The following SPHKAP variants were observed in gnomAD, a reference collection of about 807,000 sequenced individuals.
SPHKAP encodes A-kinase anchor protein SPHKAP.
SPHKAP carries 67 observed loss-of-function variants against 137.5 expected under a neutral mutation model. That is an observed-to-expected ratio of 0.49 (90% CI 0.40 to 0.60). SPHKAP has a LOEUF of 0.60. Among genes scored for constraint, SPHKAP ranks in the 20% least tolerant of loss-of-function variants. SPHKAP has a pLI of 0.00. For synonymous variants in SPHKAP, 813 were observed against 785.3 expected (o/e 1.04, Z -0.59); for missense variants, 2,097 against 2,069.3 (o/e 1.01, Z -0.26).
chr2:228,038,008 G>A (rs948275087), intron 3 of SPHKAP, among the ~76,000 whole-genome samples: 4 of 152,232 alleles, frequency 2.6e-5, no homozygotes, highest in Admixed American at 2.6e-4. Context: ...CTGTCTAGTA[G>A]AGCTGGGGAG....
At chr2:228,028,111 G>T in intron 3 of SPHKAP, 1 of 944,000 alleles carries the variant, frequency 1.1e-6, no homozygotes, top group Non-Finnish European at 1.3e-6. Context: ...AAGTCTGCTT[G>T]TATTAGAGCC....
intron 3 of SPHKAP, among the ~76,000 whole-genome samples, chr2:228,074,575 A>G (rs931929749): frequency 2.6e-5 from 4 of 152,178 alleles, no homozygotes; most frequent in African/African-American, 4.8e-5. Flanking sequence ...CCATGATTCA[A>G]TTAACTCCAC....
chr2:228,011,826 T>C (rs1694384728), intron 7 of SPHKAP, among the ~76,000 whole-genome samples: 1 of 152,196 alleles, frequency 6.6e-6, no homozygotes, highest in East Asian at 1.9e-4. Flanking sequence ...CACATACTTA[T>C]ATTTTGTTGT....
At chr2:228,147,592 T>C (rs1699810727) in intron 1 of SPHKAP, among the ~76,000 whole-genome samples, 1 of 152,212 alleles carries the variant, frequency 6.6e-6, no homozygotes, top group Admixed American at 6.5e-5. Flanking sequence ...GGGTCCCGAC[T>C]GTCACTTTTA....
chr2:228,020,601 A>AGAT (rs1349275120), intron 6 of SPHKAP, among the ~76,000 whole-genome samples: 1 of 152,172 alleles, frequency 6.6e-6, no homozygotes, highest in African/African-American at 2.4e-5. Flanking sequence ...TAGCATTAGG[A>AGAT]GATATACCTA....
intron 3 of SPHKAP, among the ~76,000 whole-genome samples, chr2:228,103,525 C>G (rs937823795): frequency 5.9e-5 from 9 of 152,202 alleles, no homozygotes; most frequent in African/African-American, 1.9e-4. Flanking sequence ...GAGCGTGGTA[C>G]TGGCTGAAGT....
At chr2:228,130,805 A>G (rs4973073) in intron 2 of SPHKAP, among the ~76,000 whole-genome samples, 51,994 of 152,018 alleles carry the variant, frequency 0.34, 9,179 homozygotes, top group East Asian at 0.51. Flanking sequence ...AGTTCCCTGC[A>G]TTAAAAAGTG....
In SPHKAP at chr2:228,092,502, G is replaced by A. The variant is rs371660178; in HGVS notation, c.246+16330C>T. Among the ~76,000 whole-genome samples, 11 of 57,000 alleles carry A rather than the reference G, an allele frequency of 1.9e-4. 2 individuals carry two copies. The highest frequency in any genetic ancestry group is 3.4e-4 in the Non-Finnish European group (10 of 29,664). 37.4% of individuals were successfully genotyped at this position (57,000 alleles called of 152,430 possible). On this transcript the variant is annotated intron_variant, in intron 3 of 11. Transcript: ENST00000392056. ...GTATACATATATGTGCCATATATAT[G>A]TATACATATATGTGCCATATATATG...
At chr2:228,107,621 G>A (rs549634830) in intron 3 of SPHKAP, among the ~76,000 whole-genome samples, 1 of 152,230 alleles carries the variant, frequency 6.6e-6, no homozygotes, top group African/African-American at 2.4e-5. Flanking sequence ...TTTATTAGGA[G>A]CTGTTCAAAT....
At chr2:228,173,061 A>C (rs1034327076) in intron 1 of SPHKAP, 2 of 985,308 alleles carry the variant, frequency 2.0e-6, no homozygotes, top group Non-Finnish European at 2.4e-6. Context: ...TTCCAGGTCC[A>C]TCCTGATCTG....
intron 3 of SPHKAP, among the ~76,000 whole-genome samples, chr2:228,075,731 G>A (rs893117592): frequency 2.6e-5 from 4 of 152,138 alleles, no homozygotes; most frequent in African/African-American, 9.7e-5. Flanking sequence ...TGCAAAACAT[G>A]TAATTTCTTA....
At chr2:228,080,379 C>T (rs893291318) in intron 3 of SPHKAP, among the ~76,000 whole-genome samples, 8 of 152,146 alleles carry the variant, frequency 5.3e-5, no homozygotes, top group Admixed American at 5.2e-4. Flanking sequence ...ACAAAAAATG[C>T]TTAACATTCC....
intron 3 of SPHKAP, among the ~76,000 whole-genome samples, chr2:228,030,331 T>G (rs958679161): frequency 6.6e-6 from 1 of 151,796 alleles, no homozygotes; most frequent in Non-Finnish European, 1.5e-5. Flanking sequence ...CTGGCCAACG[T>G]GGTGAAACCC....
chr2:228,004,071 C>A (rs1435390743), intron 7 of SPHKAP, among the ~76,000 whole-genome samples: 4 of 152,146 alleles, frequency 2.6e-5, no homozygotes, highest in African/African-American at 9.6e-5. Flanking sequence ...TGATGCTGGC[C>A]TCATAAAATG....
At chr2:228,174,402 G>T (rs1335940308) in intron 1 of SPHKAP, among the ~76,000 whole-genome samples, 1 of 152,004 alleles carries the variant, frequency 6.6e-6, no homozygotes, top group Non-Finnish European at 1.5e-5. Flanking sequence ...GGTCTTGAAG[G>T]ACTCCGGAGT....
At position 228,018,042 on chromosome 2, in the gene SPHKAP, C is replaced by A; in HGVS notation, c.2812G>T (p.Val938Phe). The change falls in exon 7 of 12, where the codon GTC (valine) becomes TTC (phenylalanine). Residue 938 changes from valine (V) to phenylalanine (F), a missense_variant. By Grantham distance (50) the Val-to-Phe change is conservative. Coordinates refer to ENST00000392056, the MANE Select transcript of SPHKAP (RefSeq NM_001142644.2). ...GCTGCAATTTCAGTTGCCATGGAGA[C>A]GACCGTGTCTGCTAATTCTTCCGCA... Reference protein sequence around the residue: ...DFAEELADTVVSMATEIAAIC... With the variant: ...DFAEELADTVFSMATEIAAIC... 3 of 1,614,112 alleles carry A rather than the reference C, an allele frequency of 1.9e-6. No individual in the cohort carries two copies. The African/African-American group carries it at 4.0e-5, about 22-fold the overall frequency.
intron 3 of SPHKAP, among the ~76,000 whole-genome samples, chr2:228,040,790 A>C (rs1274138712): frequency 6.6e-6 from 1 of 152,228 alleles, no homozygotes; most frequent in Non-Finnish European, 1.5e-5. Context: ...ATTTTGCCAT[A>C]AAAATTTAGT....
At chr2:228,084,955 C>T (rs1173195488) in intron 3 of SPHKAP, among the ~76,000 whole-genome samples, 2 of 152,194 alleles carry the variant, frequency 1.3e-5, no homozygotes, top group African/African-American at 2.4e-5. Context: ...ACCAAAAATA[C>T]ACCTCTAGTT....
chr2:228,025,777 T>G (rs1329741997), intron 4 of SPHKAP: 4 of 798,500 alleles, frequency 5.0e-6, no homozygotes, highest in Non-Finnish European at 6.1e-6. Context: ...AAAGTAAACA[T>G]AAAGTAAACA....
Sources: gnomAD v4.1 joint callset for allele counts (sites outside exome capture counted in the v4.1 genomes callset) on GRCh38, gnomAD v4.1.1 for gene constraint, MANE v1.5 for transcripts, NCBI Gene and HGNC (gene_info 2026-07-23, HGNC 2026-07-21) for gene names.